The following CHODL variants were observed in gnomAD, a reference collection of about 807,000 sequenced individuals.
CHODL encodes chondrolectin.
In CHODL, 29 loss-of-function variants were observed where a neutral mutation model predicts 34.5. The observed-to-expected ratio is 0.84, with a 90% CI of 0.63 to 1.15. The LOEUF (loss-of-function observed/expected upper bound fraction) is 1.15, where lower values mean the gene tolerates loss of function less well. Ranked by LOEUF, CHODL falls within the 50% of genes most tolerant of loss-of-function variation. The pLI, the probability that CHODL is intolerant of heterozygous loss-of-function variation, is 0.00. For synonymous variants in CHODL, 125 were observed against 116.1 expected (o/e 1.08, Z -0.49); for missense variants, 332 against 332.5 (o/e 1.00, Z 0.01).
At chr21:18,232,941 TGATA>T (rs1275585067) in intron 2 of CHODL, among the ~76,000 whole-genome samples, 40 of 97,616 alleles carry the variant, frequency 4.1e-4, no homozygotes, top group African/African-American at 1.2e-3. Context: ...CATGATGTTA[TGATA>T]TATATATATA....
intron 2 of CHODL, among the ~76,000 whole-genome samples, chr21:18,198,897 CA>C (rs1351162351): frequency 6.6e-6 from 1 of 151,962 alleles, no homozygotes; most frequent in East Asian, 1.9e-4. Context: ...TCATTTAACA[CA>C]AACAATTGTT....
intron 5 of CHODL, among the ~76,000 whole-genome samples, chr21:18,264,665 T>C (rs889359417): frequency 2.6e-5 from 4 of 151,012 alleles, no homozygotes; most frequent in Non-Finnish European, 4.4e-5. Flanking sequence ...AACAGGGAAC[T>C]TCTGCAGGTG....
intron 2 of CHODL, among the ~76,000 whole-genome samples, chr21:18,066,364 G>A (rs972432724): frequency 1.3e-5 from 2 of 151,904 alleles, no homozygotes; most frequent in Admixed American, 6.6e-5. Context: ...CCTCAATATG[G>A]GAATGTCTCA....
At chr21:18,122,236 G>A (rs903345034) in intron 2 of CHODL, among the ~76,000 whole-genome samples, 4 of 151,792 alleles carry the variant, frequency 2.6e-5, no homozygotes, top group Admixed American at 6.6e-5. Flanking sequence ...AATAATATAC[G>A]TCAGATGGGA....
intron 2 of CHODL, among the ~76,000 whole-genome samples, chr21:18,210,500 A>G (rs1421422181): frequency 1.3e-5 from 2 of 152,140 alleles, no homozygotes; most frequent in African/African-American, 4.8e-5. Flanking sequence ...TTTTGTGTGT[A>G]TAGTTGTTCA....
chr21:18,184,109 G>A (rs558314774), intron 2 of CHODL, among the ~76,000 whole-genome samples: 6 of 152,138 alleles, frequency 3.9e-5, no homozygotes, highest in Non-Finnish European at 8.8e-5. Context: ...ACAGTTTCAC[G>A]TACTTTTCTA....
intron 1 of CHODL, among the ~76,000 whole-genome samples, chr21:17,987,082 C>T (rs2063759298): frequency 6.6e-6 from 1 of 152,056 alleles, no homozygotes; most frequent in African/African-American, 2.4e-5. Flanking sequence ...TGTGGTTTGT[C>T]CTGCCTGGTT....
At chr21:18,246,694 C>T (rs138425508) in intron 1 of CHODL, among the ~76,000 whole-genome samples, 2 of 152,240 alleles carry the variant, frequency 1.3e-5, no homozygotes, top group African/African-American at 4.8e-5. Context: ...ATGCTTTGAA[C>T]ATAAGATGTT....
chr21:18,182,586 T>C (rs1260352725), intron 2 of CHODL, among the ~76,000 whole-genome samples: 1 of 152,226 alleles, frequency 6.6e-6, no homozygotes, highest in Admixed American at 6.5e-5. Flanking sequence ...AAACACACTT[T>C]GCTTTTTATG....
intron 1 of CHODL, among the ~76,000 whole-genome samples, chr21:17,976,421 T>C (rs1314176367): frequency 6.6e-6 from 1 of 152,112 alleles, no homozygotes; most frequent in Non-Finnish European, 1.5e-5. Context: ...ATCTCAGAGC[T>C]AAATTTAAGG....
chr21:18,159,354 T>C (rs1236627529), intron 2 of CHODL, among the ~76,000 whole-genome samples: 1 of 152,222 alleles, frequency 6.6e-6, no homozygotes, highest in Admixed American at 6.5e-5. Flanking sequence ...TGATTTAATA[T>C]GGGAACTATT....
chr21:18,262,531 T>C (rs1250043069), intron 4 of CHODL, among the ~76,000 whole-genome samples: 1 of 152,148 alleles, frequency 6.6e-6, no homozygotes, highest in African/African-American at 2.4e-5. Context: ...ATATAAAAGA[T>C]GGTATACCTA....
At chr21:18,196,486 A>G (rs916296767) in intron 2 of CHODL, among the ~76,000 whole-genome samples, 5 of 152,132 alleles carry the variant, frequency 3.3e-5, no homozygotes, top group African/African-American at 1.2e-4. Flanking sequence ...AATTAACAGT[A>G]ATTGGTGACT....
intron 2 of CHODL, among the ~76,000 whole-genome samples, chr21:18,060,155 C>T (rs185396753): frequency 6.6e-6 from 1 of 152,008 alleles, no homozygotes; most frequent in Admixed American, 6.6e-5. Flanking sequence ...CACGGGGACA[C>T]CTTTAAAATG....
At chr21:18,205,191 T>C (rs1168267693) in intron 2 of CHODL, among the ~76,000 whole-genome samples, 1 of 152,230 alleles carries the variant, frequency 6.6e-6, no homozygotes, top group African/African-American at 2.4e-5. Context: ...GCTTTCAGCT[T>C]TTCCCCATTC....
At chr21:18,199,016 C>T (rs1035561261) in intron 2 of CHODL, among the ~76,000 whole-genome samples, 2 of 152,070 alleles carry the variant, frequency 1.3e-5, no homozygotes, top group African/African-American at 2.4e-5. Flanking sequence ...AGAGATACTA[C>T]AGGCCAAGGA....
chr21:17,997,552 A>G (rs1254078737), intron 1 of CHODL, among the ~76,000 whole-genome samples: 1 of 152,204 alleles, frequency 6.6e-6, no homozygotes, highest in East Asian at 1.9e-4. Flanking sequence ...GCTGCTGATA[A>G]AGACATACCT....
intron 1 of CHODL, among the ~76,000 whole-genome samples, chr21:18,004,096 C>T (rs1296190478): frequency 6.6e-6 from 1 of 152,042 alleles, no homozygotes; most frequent in African/African-American, 2.4e-5. Context: ...TTCTTAGAAA[C>T]AATAATTAAT....
At chr21:18,221,577 G>A (rs1049299067) in intron 2 of CHODL, among the ~76,000 whole-genome samples, 22 of 152,156 alleles carry the variant, frequency 1.4e-4, no homozygotes, top group Admixed American at 6.5e-5. Context: ...TAGATAGAAT[G>A]CTTTCATTTT....
Sources: allele counts gnomAD v4.1 joint callset (sites outside exome capture counted in the v4.1 genomes callset), GRCh38; gene constraint gnomAD v4.1.1; transcripts MANE v1.5; gene names NCBI Gene and HGNC (gene_info 2026-07-23, HGNC 2026-07-21).